GLT8D2: variants seen among roughly 807,000 people sequenced by gnomAD.
The protein encoded by GLT8D2 is glycosyltransferase 8 domain-containing protein 2.
A neutral mutation model predicts 44.5 loss-of-function variants in GLT8D2; 45 were observed. The ratio of observed to expected loss-of-function variants is 1.01; its 90% confidence interval spans 0.80 to 1.30. The LOEUF (loss-of-function observed/expected upper bound fraction) is 1.30. Ranked by LOEUF, GLT8D2 falls within the 50% of genes most tolerant of loss-of-function variation. The probability of loss-of-function intolerance (pLI) is 0.00; values close to 1 mark genes in which losing one functional copy is unlikely to be tolerated. For synonymous variants in GLT8D2, 156 were observed against 157.2 expected (o/e 0.99, Z 0.06); for missense variants, 400 against 430.4 (o/e 0.93, Z 0.62).
At chr12:103,998,587 T>A (rs1020544538) in intron 6 of GLT8D2, among the ~76,000 whole-genome samples, 4 of 152,034 alleles carry the variant, frequency 2.6e-5, no homozygotes, top group Non-Finnish European at 4.4e-5. Flanking sequence ...TTTTTGTATT[T>A]TTAGTAGAGA....
At chr12:104,011,186 CCTT>C (rs1392017414) in intron 4 of GLT8D2, among the ~76,000 whole-genome samples, 1 of 152,208 alleles carries the variant, frequency 6.6e-6, no homozygotes, top group African/African-American at 2.4e-5. Context: ...ATCAACTGTA[CCTT>C]CTTCATCAAT....
chr12:103,997,954 CACGT>C (rs1169111736), intron 6 of GLT8D2, among the ~76,000 whole-genome samples: 4 of 143,046 alleles, frequency 2.8e-5, no homozygotes, highest in African/African-American at 1.0e-4. Context: ...CACACACACA[CACGT>C]GTGTCATTCC....
chr12:104,015,289 T>C (rs1876405995), intron 3 of GLT8D2, among the ~76,000 whole-genome samples, 184 bp from the exon 4 acceptor site: 1 of 152,096 alleles, frequency 6.6e-6, no homozygotes, highest in Non-Finnish European at 1.5e-5. Context: ...AGCTCATGCC[T>C]GTAATCCCAG....
At chr12:103,993,793 A>AT in intron 9 of GLT8D2, 1 of 271,104 alleles carries the variant, frequency 3.7e-6, no homozygotes, top group South Asian at 9.9e-5. Context: ...CGAATCCTAC[A>AT]TTATTTAGAA....
chr12:104,014,510 C>T (rs1566198183), intron 4 of GLT8D2, among the ~76,000 whole-genome samples: 1 of 152,112 alleles, frequency 6.6e-6, no homozygotes, highest in African/African-American at 2.4e-5. Flanking sequence ...TGGGAGAGAC[C>T]ACAGGGCCAA....
At chr12:104,014,203 A>C in intron 4 of GLT8D2, 1 of 662,990 alleles carries the variant, frequency 1.5e-6, no homozygotes, top group Non-Finnish European at 2.7e-6. Context: ...TTTCTACAAA[A>C]AATTAGCTGG....
At chr12:104,041,140 G>T (rs181931800) in intron 1 of GLT8D2, among the ~76,000 whole-genome samples, 1 of 151,666 alleles carries the variant, frequency 6.6e-6, no homozygotes, top group Non-Finnish European at 1.5e-5. Context: ...GGGGCCAGGC[G>T]TGGTGGCTCA....
At chr12:104,003,008 GAA>G (rs1017959381) in intron 5 of GLT8D2, 125 bp downstream of exon 5, 2 of 660,300 alleles carry the variant, frequency 3.0e-6, no homozygotes, top group African/African-American at 4.0e-5. Context: ...GAGAGGGAGA[GAA>G]AGAGAGAAAG....
At chr12:103,993,599 C>T (rs181505035) in intron 9 of GLT8D2, 95 bp from the exon 10 acceptor site, 3 of 774,274 alleles carry the variant, frequency 3.9e-6, no homozygotes, top group Non-Finnish European at 6.2e-6. Context: ...AAGACATTAT[C>T]TCACTATGTA....
intron 6 of GLT8D2, 64 bp from the exon 7 acceptor site, chr12:103,997,599 T>C: frequency 8.7e-7 from 1 of 1,150,532 alleles, no homozygotes; most frequent in Non-Finnish European, 1.3e-6. Context: ...CTTCTGGGGG[T>C]ACTGGAGAGT....
chr12:104,027,225 G>A (rs1260358314), intron 1 of GLT8D2, among the ~76,000 whole-genome samples: 1 of 152,200 alleles, frequency 6.6e-6, no homozygotes, highest in Admixed American at 6.5e-5. Flanking sequence ...GGTCAAAACA[G>A]CACACTACTT....
intron 4 of GLT8D2, chr12:104,014,102 G>A (rs1876217181): frequency 1.9e-6 from 1 of 521,234 alleles, no homozygotes; most frequent in Non-Finnish European, 3.4e-6. Flanking sequence ...TGGAGCTCAT[G>A]CCTGTAATCC....
At chr12:104,054,355 T>G (rs1167349611), upstream of GLT8D2, among the ~76,000 whole-genome samples, 2 of 152,170 alleles carry the variant, frequency 1.3e-5, no homozygotes, top group South Asian at 4.1e-4. Context: ...TTCCTTTATA[T>G]GGCTGAATAA....
In GLT8D2 at chr12:104,017,221, CT is replaced by C. The variant is rs994678407; in HGVS notation, c.20-2117del. On this transcript the variant is annotated intron_variant, in intron 3 of 10. Coordinates refer to ENST00000360814, the MANE Select transcript of GLT8D2 (RefSeq NM_001384711.1). Reference sequence around the variant, plus strand: ...TAATTGTATATGTGTTTAAAGCTACCTTTTTTTTTTAATGATAGGAAATCAT... The same window carrying C: ...TAATTGTATATGTGTTTAAAGCTACCTTTTTTTTTAATGATAGGAAATCAT... 2.5e-4 allele frequency among the ~76,000 whole-genome samples: 36 copies of C among 146,486 alleles called. 1 individual carries two copies. The highest frequency in any genetic ancestry group is 1.1e-3 in the South Asian group (5 of 4,608).
At chr12:104,022,912 T>C (rs1234169307) in intron 1 of GLT8D2, among the ~76,000 whole-genome samples, 1 of 152,120 alleles carries the variant, frequency 6.6e-6, no homozygotes, top group Non-Finnish European at 1.5e-5. Flanking sequence ...ATAAGAAAAA[T>C]GCAGGGCAAA....
At chr12:104,010,141 C>G (rs1245758335) in intron 4 of GLT8D2, among the ~76,000 whole-genome samples, 1 of 152,150 alleles carries the variant, frequency 6.6e-6, no homozygotes, top group Non-Finnish European at 1.5e-5. Context: ...GAGAATTTGA[C>G]GTTTCTTTGC....
chr12:104,030,012 G>T (rs906633492), intron 1 of GLT8D2, among the ~76,000 whole-genome samples: 1 of 151,646 alleles, frequency 6.6e-6, no homozygotes, highest in African/African-American at 2.4e-5. Flanking sequence ...ATATGGAACC[G>T]CAAAAGCCCC....
At chr12:104,020,773 G>A (rs899038974) in intron 2 of GLT8D2, among the ~76,000 whole-genome samples, 5 of 152,154 alleles carry the variant, frequency 3.3e-5, no homozygotes, top group African/African-American at 9.7e-5. Flanking sequence ...CCAGGCAGAG[G>A]GAACAGCAAG....
intron 4 of GLT8D2, among the ~76,000 whole-genome samples, chr12:104,005,593 A>G (rs183978492): frequency 1.4e-4 from 21 of 152,394 alleles, no homozygotes; most frequent in African/African-American, 5.0e-4. Context: ...GACACTTCTC[A>G]AAAGAAGACA....
Sources: allele counts gnomAD v4.1 joint callset (sites outside exome capture counted in the v4.1 genomes callset), GRCh38; gene constraint gnomAD v4.1.1; transcripts MANE v1.5; gene names NCBI Gene and HGNC (gene_info 2026-07-23, HGNC 2026-07-21).